Variants in RBM26 observed in about 807,000 individuals in gnomAD.
The protein encoded by RBM26 is RNA-binding protein 26.
A neutral mutation model predicts 123.6 loss-of-function variants in RBM26; 30 were observed. The observed-to-expected ratio is 0.24, with a 90% CI of 0.18 to 0.33. RBM26 has a LOEUF of 0.33. Among genes scored for constraint, RBM26 ranks in the 10% least tolerant of loss-of-function variants. The pLI is 1.00. For synonymous variants in RBM26, 400 were observed against 404.4 expected (o/e 0.99, Z 0.13); for missense variants, 947 against 1,203.6 (o/e 0.79, Z 3.15).
chr13:79,351,402 T>TC (rs2073188309), intron 14 of RBM26, among the ~76,000 whole-genome samples: 1 of 152,188 alleles, frequency 6.6e-6, no homozygotes, highest in Non-Finnish European at 1.5e-5. Flanking sequence ...TTCCAGTGTT[T>TC]CTTTTTTCTG....
intron 1 of RBM26, among the ~76,000 whole-genome samples, chr13:79,383,499 A>G (rs1329578386): frequency 6.6e-6 from 1 of 152,200 alleles, no homozygotes; most frequent in Non-Finnish European, 1.5e-5. Context: ...TCATCTTCAT[A>G]TAAAGTTTGA....
intron 6 of RBM26, among the ~76,000 whole-genome samples, chr13:79,367,222 C>G (rs2075348333): frequency 6.6e-6 from 1 of 151,108 alleles, no homozygotes. Flanking sequence ...GCCTGACGAA[C>G]ATGGTGAAAC....
At chr13:79,345,483 G>A (rs1266776837) in intron 14 of RBM26, among the ~76,000 whole-genome samples, 1 of 151,828 alleles carries the variant, frequency 6.6e-6, no homozygotes, top group Non-Finnish European at 1.5e-5. Context: ...ATTAATTAAT[G>A]TGTCTTTTCC....
chr13:79,316,502 A>C (rs2067167527), downstream of RBM26, among the ~76,000 whole-genome samples: 2 of 151,788 alleles, frequency 1.3e-5, no homozygotes, highest in Non-Finnish European at 2.9e-5. Context: ...AATTAAACTT[A>C]GCCACACTTT....
chr13:79,367,432 A>AAAAAAAAAAT (rs1566476253), intron 6 of RBM26, among the ~76,000 whole-genome samples: 1 of 42,730 alleles, frequency 2.3e-5, no homozygotes, highest in Non-Finnish European at 5.3e-5. Context: ...AAAAAAAAAA[A>AAAAAAAAAAT]GAAGAAGAAG....
At chr13:79,317,603 A>T (rs2067270727), downstream of RBM26, among the ~76,000 whole-genome samples, 1 of 151,728 alleles carries the variant, frequency 6.6e-6, no homozygotes, top group South Asian at 2.1e-4. Context: ...TAGCATTTCT[A>T]ATCATATACA....
intron 1 of RBM26, among the ~76,000 whole-genome samples, chr13:79,404,549 T>C (rs1311071485): frequency 6.6e-6 from 1 of 152,190 alleles, no homozygotes; most frequent in Non-Finnish European, 1.5e-5. Flanking sequence ...CTTGTTGCCT[T>C]TATATCCTCT....
intron 3 of RBM26, among the ~76,000 whole-genome samples, chr13:79,375,465 C>T (rs566657123): frequency 1.3e-5 from 2 of 152,054 alleles, no homozygotes; most frequent in Non-Finnish European, 2.9e-5. Context: ...GCCACAGTGC[C>T]CAGCCAAAGT....
chr13:79,355,578 A>G (rs2073876655), intron 11 of RBM26, among the ~76,000 whole-genome samples, 194 bp from the exon 12 acceptor site: 1 of 152,186 alleles, frequency 6.6e-6, no homozygotes, highest in Non-Finnish European at 1.5e-5. Context: ...TCACAGCATA[A>G]AAAGAGTTCC....
At chr13:79,339,932 C>T (rs1007476108) in intron 18 of RBM26, among the ~76,000 whole-genome samples, 1 of 151,840 alleles carries the variant, frequency 6.6e-6, no homozygotes, top group Non-Finnish European at 1.5e-5. Flanking sequence ...TAAACGTAAG[C>T]CGTGATAAAG....
At chr13:79,355,580 A>G (rs2073877029) in intron 11 of RBM26, among the ~76,000 whole-genome samples, 196 bp from the exon 12 acceptor site, 2 of 152,198 alleles carry the variant, frequency 1.3e-5, no homozygotes, top group Admixed American at 6.5e-5. Context: ...ACAGCATAAA[A>G]AGAGTTCCTC....
chr13:79,368,586 A>G, intron 6 of RBM26, 144 bp downstream of exon 6: 1 of 670,430 alleles, frequency 1.5e-6, no homozygotes, highest in Non-Finnish European at 2.5e-6. Flanking sequence ...TGTTTCAATC[A>G]TATTGAGGAA....
chr13:79,394,222 T>G (rs1299042316), intron 1 of RBM26, among the ~76,000 whole-genome samples: 2 of 152,186 alleles, frequency 1.3e-5, no homozygotes, highest in Admixed American at 6.5e-5. Context: ...TACCATATGC[T>G]TTCCATTCCA....
chr13:79,405,754 A>G lies in RBM26; in HGVS notation c.21T>C (p.Ile7=). The stretch of plus-strand genomic sequence containing the variant: ...AGGACTTGAGTGCCTCGAAGTTTTC[A>G]ATGATCATTTTAGAAACCATCCACA... MVSKMI[I]ENFEALKSWL... is the part of the protein sequence containing the mutation. Residue 7 remains isoleucine (I), a synonymous_variant, in exon 1 of 22, where the codon ATT becomes ATC. Transcript: ENST00000438737. The G allele has an allele frequency of 6.3e-7, 1 of 1,598,536 alleles. No individual in the cohort carries two copies. The highest frequency in any genetic ancestry group is 8.5e-7 in the Non-Finnish European group (1 of 1,172,048).
chr13:79,394,979 T>C (rs914648056), intron 1 of RBM26, among the ~76,000 whole-genome samples: 2 of 152,144 alleles, frequency 1.3e-5, no homozygotes, highest in Admixed American at 6.5e-5. Context: ...TTGAAGCCAA[T>C]GGTGAACTGA....
intron 6 of RBM26, among the ~76,000 whole-genome samples, chr13:79,367,879 TTAAATA>T (rs2075475504): frequency 6.6e-6 from 1 of 152,176 alleles, no homozygotes; most frequent in Admixed American, 6.5e-5. Flanking sequence ...GAGATGAGAC[TTAAATA>T]TAATTTTTGT....
chr13:79,342,186 C>T (rs987945763), intron 17 of RBM26, among the ~76,000 whole-genome samples: 4 of 151,740 alleles, frequency 2.6e-5, no homozygotes, highest in Admixed American at 1.3e-4. Flanking sequence ...TATATACATA[C>T]AGACACACCA....
At chr13:79,404,974 G>A (rs1414038562) in intron 1 of RBM26, among the ~76,000 whole-genome samples, 3 of 152,126 alleles carry the variant, frequency 2.0e-5, no homozygotes, top group Non-Finnish European at 2.9e-5. Flanking sequence ...TTCTGATTAA[G>A]CACTTTGGTC....
At position 79,377,394 on chromosome 13, in the gene RBM26, A is replaced by G. The variant is rs1327919265; in HGVS notation, c.312T>C (p.Asp104=). 1 of 1,613,656 alleles carries G rather than the reference A, an allele frequency of 6.2e-7. No individual in the cohort carries two copies. Residue 104 remains aspartate (D), a synonymous_variant, in exon 3 of 22, where the codon GAT becomes GAC. Coordinates refer to ENST00000438737, the MANE Select transcript of RBM26 (RefSeq NM_001366735.2). The part of the protein sequence containing the change: ...KVEFFPHQEK[D]IKKEEITKEE... Reference sequence around the variant, plus strand: ...AAATCGTTACCTCTTCCTTCTTTATATCTTTTTCTTGGTGTGGAAAAAATT... The same window carrying G: ...AAATCGTTACCTCTTCCTTCTTTATGTCTTTTTCTTGGTGTGGAAAAAATT...
Sources: gnomAD v4.1 joint callset for allele counts (sites outside exome capture counted in the v4.1 genomes callset) on GRCh38, gnomAD v4.1.1 for gene constraint, MANE v1.5 for transcripts, NCBI Gene and HGNC (gene_info 2026-07-23, HGNC 2026-07-21) for gene names.